CFAP74: variants seen among roughly 807,000 people sequenced by gnomAD.
The protein encoded by CFAP74 is cilia and flagella associated protein 74, also known as cilia- and flagella-associated protein 74.
Under a neutral mutation model 188.9 loss-of-function variants are expected in CFAP74, and 124 were observed. The ratio of observed to expected loss-of-function variants is 0.66; its 90% CI spans 0.57 to 0.76. The LOEUF (loss-of-function observed/expected upper bound fraction) is 0.76, where lower values mean the gene tolerates loss of function less well. Ranked by LOEUF, CFAP74 falls within the 30% of genes least tolerant of loss-of-function variation. The pLI is 0.00. For synonymous variants in CFAP74, 956 were observed against 916.7 expected (o/e 1.04, Z -0.77); for missense variants, 2,198 against 2,165.2 (o/e 1.02, Z -0.30).
At position 1,970,937 on chromosome 1, in the gene CFAP74, A is replaced by G. The variant is rs1210391920; in HGVS notation, c.889-121T>C. ...CACACGTGCACACACGTGCACACAC[A>G]CATGCACACCTGCACATGCACACAT... is the stretch of plus-strand genomic sequence containing the variant. On this transcript the variant is annotated intron_variant, in intron 9 of 38. Transcript: ENST00000682832. 19 of 1,205,922 alleles carry G rather than the reference A, an allele frequency of 1.6e-5. No homozygotes were observed. The South Asian group carries it at 2.4e-4, about 16-fold the overall frequency. The allele number at this position is 1,205,922 out of a possible 1,614,324, so 74.7% of individuals were successfully genotyped here.
chr1:1,997,726 G>C (rs1657990368), intron 1 of CFAP74, among the ~76,000 whole-genome samples: 1 of 152,124 alleles, frequency 6.6e-6, no homozygotes, highest in Admixed American at 6.6e-5. Context: ...GAGAATGCGA[G>C]GAACCCCCTC....
intron 1 of CFAP74, among the ~76,000 whole-genome samples, chr1:1,991,516 T>C (rs1457510795): frequency 6.6e-6 from 1 of 151,196 alleles, no homozygotes; most frequent in Non-Finnish European, 1.5e-5. Context: ...GGCAGGAGAA[T>C]TGCTTGAACC....
chr1:1,944,897 C>T (rs909221352), intron 20 of CFAP74, among the ~76,000 whole-genome samples: 11 of 152,166 alleles, frequency 7.2e-5, no homozygotes, highest in Non-Finnish European at 8.8e-5. Flanking sequence ...TGAGCCACTG[C>T]GCCCGGCCAA....
intron 25 of CFAP74, among the ~76,000 whole-genome samples, chr1:1,933,426 C>T (rs931221442): frequency 6.6e-6 from 1 of 152,048 alleles, no homozygotes; most frequent in Non-Finnish European, 1.5e-5. Flanking sequence ...GTGATCCGCC[C>T]GCCTCGGCCT....
In CFAP74 at chr1:1,927,636, C is replaced by G; in HGVS notation, c.3498G>C (p.Leu1166=). The G allele has an allele frequency of 6.5e-7, 1 of 1,550,126 alleles. No homozygotes were observed. The highest frequency in any genetic ancestry group is 8.7e-7 in the Non-Finnish European group (1 of 1,146,842). ...KLFKVSVPHV[L]EMRKRELRPS... ...GCCTCAGCTCCCGCTTCCGCATCTC[C>G]AGGACGTGGGGGACAGAGACTTTGA... The change falls in exon 28 of 39, where the codon CTG becomes CTC. Residue 1166 remains leucine (L), a synonymous_variant. Transcript: ENST00000682832.
At chr1:1,948,314 C>T (rs1332662054) in intron 18 of CFAP74, among the ~76,000 whole-genome samples, 3 of 151,894 alleles carry the variant, frequency 2.0e-5, no homozygotes, top group African/African-American at 7.3e-5. Flanking sequence ...ACTCTGTTGC[C>T]CAGGCTGGAG....
Position 1,923,264 on chromosome 1 carries a change from G to A in CFAP74, c.4522+103C>T, listed in dbSNP as rs2102027014. On this transcript the variant is annotated intron_variant, in intron 36 of 38. Transcript: ENST00000682832. The surrounding 1 kb of genome is among the most constrained non-coding windows in gnomAD (Gnocchi z 6.3). ...GTCCTGCTTGGCTCTGGGGTAGAAGGCTGGGAATCCCTGCCCTGCTCCGCT... is the reference window on the plus strand; with the variant it reads ...GTCCTGCTTGGCTCTGGGGTAGAAGACTGGGAATCCCTGCCCTGCTCCGCT... 2.0e-6 allele frequency: 3 copies of A among 1,492,392 alleles called. No homozygotes were observed. The highest frequency in any genetic ancestry group is 2.7e-6 in the Non-Finnish European group (3 of 1,111,962). The allele number at this position is 1,492,392 out of a possible 1,614,324, so 92.4% of individuals were successfully genotyped here. A position where few individuals can be genotyped will look rare whatever the true frequency, so the allele number is the denominator to read the frequency against.
At position 1,972,160 on chromosome 1, in the gene CFAP74, A is replaced by G. The variant is rs1043123314; in HGVS notation, c.786-78T>C. On this transcript the variant is annotated intron_variant, in intron 8 of 38. Coordinates refer to ENST00000682832, the MANE Select transcript of CFAP74 (RefSeq NM_001304360.2). ...CAGTGGTGCGATCACAGCTCTCTGC[A>G]GCCTCGACCTCCCAGGCTCAAGTGA... The G allele has an allele frequency of 2.8e-6, 3 of 1,077,184 alleles. 1 individual carries two copies. Among genetic ancestry groups the G allele is most frequent in the Non-Finnish European group, 4.2e-6 (3 of 707,178 alleles). 66.7% of individuals were successfully genotyped at this position (1,077,184 alleles called of 1,614,324 possible).
chr1:1,928,957 C>T lies in CFAP74; in HGVS notation c.3289-75G>A, dbSNP rs753808548. The T allele has an allele frequency of 3.0e-4, 301 of 990,546 alleles. 1 individual carries two copies. Among genetic ancestry groups the T allele is most frequent in the Non-Finnish European group, 4.2e-4 (280 of 665,402 alleles). 61.4% of individuals were successfully genotyped at this position (990,546 alleles called of 1,614,324 possible). On this transcript the variant is annotated intron_variant, in intron 26 of 38. Coordinates refer to ENST00000682832, the MANE Select transcript of CFAP74 (RefSeq NM_001304360.2). Reference sequence around the variant, plus strand: ...CCCGGAGCCCCTGCGGGCACTCTACCGTCCTCTGCCCGTGGACTCCCCTCA... The same window carrying T: ...CCCGGAGCCCCTGCGGGCACTCTACTGTCCTCTGCCCGTGGACTCCCCTCA...
intron 14 of CFAP74, among the ~76,000 whole-genome samples, chr1:1,961,673 C>A (rs1655100122): frequency 6.6e-6 from 1 of 152,116 alleles, no homozygotes; most frequent in Non-Finnish European, 1.5e-5. Flanking sequence ...CTAGAGGACA[C>A]AGAACCCTCC....
Position 1,940,423 on chromosome 1 carries a change from C to A in CFAP74, c.2616-20G>T. 2.0e-6 allele frequency: 3 copies of A among 1,478,042 alleles called. No homozygotes were observed. Among genetic ancestry groups the A allele is most frequent in the Non-Finnish European group, 2.7e-6 (3 of 1,106,236 alleles). 91.6% of individuals were successfully genotyped at this position (1,478,042 alleles called of 1,614,324 possible). A position where few individuals can be genotyped will look rare whatever the true frequency, so the allele number is the denominator to read the frequency against. ...GAGTGTCTGAAAGAGGCAGACAAGG[C>A]GAATGTGCTTTCCTCTTTCCATTTT... is the stretch of plus-strand genomic sequence containing the variant. On this transcript the variant is annotated intron_variant, in intron 22 of 38. Coordinates refer to ENST00000682832, the MANE Select transcript of CFAP74 (RefSeq NM_001304360.2).
intron 25 of CFAP74, among the ~76,000 whole-genome samples, chr1:1,932,580 ATTTTTTTCTTTC>A (rs1652500359): frequency 6.7e-6 from 1 of 149,912 alleles, no homozygotes; most frequent in African/African-American, 2.5e-5. Flanking sequence ...TTAGTAGTCA[ATTTTTTTCTTTC>A]TTTTTTTCTT....
Position 1,997,800 on chromosome 1 carries a change from T to TA in CFAP74, c.-20+5900dup, listed in dbSNP as rs1036263628. ...ACAAACGACCCATTTCTTCAACAAA[T>TA]AAATGGCCTGGAGGAAAATAAGGAA... is the stretch of plus-strand genomic sequence containing the variant. On this transcript the variant is annotated intron_variant, in intron 1 of 38. Coordinates refer to ENST00000682832, the MANE Select transcript of CFAP74 (RefSeq NM_001304360.2). 2.0e-5 allele frequency among the ~76,000 whole-genome samples: 3 copies of TA among 151,934 alleles called. 1 individual carries two copies. The highest frequency in any genetic ancestry group is 2.0e-4 in the Admixed American group (3 of 15,274).
intron 25 of CFAP74, among the ~76,000 whole-genome samples, chr1:1,930,969 C>T (rs1652321353): frequency 6.6e-6 from 1 of 152,130 alleles, no homozygotes; most frequent in African/African-American, 2.4e-5. Flanking sequence ...ATGCCTATTT[C>T]CACTGTATTT....
At chr1:1,991,475 T>G (rs370333225) in intron 1 of CFAP74, among the ~76,000 whole-genome samples, 1 of 151,970 alleles carries the variant, frequency 6.6e-6, no homozygotes, top group Non-Finnish European at 1.5e-5. Context: ...TGGTGGCGCA[T>G]GCCTATAATC....
chr1:1,935,362 A>C (rs548977004), intron 25 of CFAP74, among the ~76,000 whole-genome samples: 1 of 93,192 alleles, frequency 1.1e-5, no homozygotes, highest in African/African-American at 3.9e-5. Context: ...GTAGGTACAC[A>C]CGTGTGTATG....
intron 18 of CFAP74, chr1:1,954,825 G>A: frequency 2.6e-6 from 3 of 1,134,130 alleles, no homozygotes; most frequent in Non-Finnish European, 3.3e-6. Flanking sequence ...CAGTGAGGCT[G>A]GCTATGCCCT....
rs955323687 is a variant in CFAP74, at chr1:1,926,266, C to T, written c.3910G>A (p.Val1304Ile). The change falls in exon 32 of 39, where the codon GTC becomes ATC. Residue 1304 changes from valine to isoleucine, a missense_variant. Physicochemically the swap from Val to Ile is conservative, Grantham distance 29. Coordinates refer to ENST00000682832, the MANE Select transcript of CFAP74 (RefSeq NM_001304360.2). Reference protein sequence around the residue: ...SSLLRAGGTQVLVLSFSPHES... With the variant: ...SSLLRAGGTQILVLSFSPHES... ...TGGGGAGAGAAGGAAAGCACCAGGACCTGGGTCCCACCTGCACGCAGCAGG... is the reference window on the plus strand; with the variant it reads ...TGGGGAGAGAAGGAAAGCACCAGGATCTGGGTCCCACCTGCACGCAGCAGG... 5.4e-5 allele frequency: 83 copies of T among 1,535,542 alleles called. No homozygotes were observed. Among genetic ancestry groups the T allele is most frequent in the Non-Finnish European group, 7.1e-5 (81 of 1,138,624 alleles).
chr1:1,978,746 C>T (rs994816993), intron 6 of CFAP74, among the ~76,000 whole-genome samples: 6 of 152,198 alleles, frequency 3.9e-5, no homozygotes, highest in African/African-American at 7.2e-5. Flanking sequence ...CTCATAAATC[C>T]GCGTCCTGCT....
Sources: gnomAD v4.1 joint callset for allele counts (sites outside exome capture counted in the v4.1 genomes callset) on GRCh38, gnomAD v4.1.1 for gene constraint, Gnocchi (gnomAD v3.1) non-coding constraint, MANE v1.5 for transcripts, NCBI Gene and HGNC (gene_info 2026-07-23, HGNC 2026-07-21) for gene names.